The following SMNDC1 variants were observed in gnomAD, a reference collection of about 807,000 sequenced individuals.
The protein encoded by SMNDC1 is survival of motor neuron-related-splicing factor 30.
In SMNDC1, 5 loss-of-function variants were observed where a neutral mutation model predicts 29.2. That is an observed-to-expected ratio of 0.17 (90% CI 0.09 to 0.36). The LOEUF is 0.36. SMNDC1 is among the 10% of genes least tolerant of loss of function. SMNDC1 has a pLI of 1.00. For synonymous variants in SMNDC1, 80 were observed against 89.9 expected, an observed-to-expected ratio of 0.89 and a Z score of 0.62; for missense variants, 142 against 268.5, an observed-to-expected ratio of 0.53 and a Z score of 3.29.
chr10:110,297,740 T>A lies in SMNDC1; in HGVS notation c.264-12A>T. On this transcript the variant is annotated splice_polypyrimidine_tract_variant and intron_variant, in intron 3 of 5. Coordinates refer to ENST00000369603, the MANE Select transcript of SMNDC1 (RefSeq NM_005871.4). ...CCGCTTCATAACACCTGTAAAGATA[T>A]CATGGCTGTAAGCAGGTGAGTAAAG... 1 of 1,612,346 alleles carries A rather than the reference T, an allele frequency of 6.2e-7. No individual in the cohort carries two copies. Among genetic ancestry groups the A allele is most frequent in the Non-Finnish European group, 8.5e-7 (1 of 1,179,004 alleles).
At chr10:110,301,307 A>C (rs1324976192) in intron 2 of SMNDC1, among the ~76,000 whole-genome samples, 1 of 152,358 alleles carries the variant, frequency 6.6e-6, no homozygotes, top group East Asian at 1.9e-4. Flanking sequence ...GTGTAGTCTC[A>C]ATGGAGACAA....
intron 2 of SMNDC1, chr10:110,300,647 G>A (rs1857631981): frequency 4.1e-6 from 4 of 985,238 alleles, no homozygotes; most frequent in Non-Finnish European, 4.8e-6. Context: ...GAAGCATCAG[G>A]TGTTGTGATC....
chr10:110,297,430 G>A, intron 4 of SMNDC1, 137 bp downstream of exon 4: 1 of 742,914 alleles, frequency 1.3e-6, no homozygotes, highest in Non-Finnish European at 2.2e-6. Flanking sequence ...AGACAATGTT[G>A]ACCCTTTGTT....
intron 2 of SMNDC1, among the ~76,000 whole-genome samples, chr10:110,300,998 C>T (rs534382726): frequency 6.6e-6 from 1 of 152,168 alleles, no homozygotes; most frequent in Non-Finnish European, 1.5e-5. Flanking sequence ...GGAAACCTTA[C>T]TGGCAAAATG....
Position 110,298,624 on chromosome 10 carries a change from TAG to T in SMNDC1, c.263+22_263+23del, listed in dbSNP as rs1491585645. 167 of 1,578,944 alleles carry T rather than the reference TAG, an allele frequency of 1.1e-4. 1 individual carries two copies. Among genetic ancestry groups the T allele is most frequent in the South Asian group, 9.4e-4 (82 of 86,896 alleles). Reference sequence around the variant, plus strand: ...GTATTTTATTATTTCATGTTATAGTTAGAGTTTTTTTTTCTACACTTACTGTC... The same window carrying T: ...GTATTTTATTATTTCATGTTATAGTTAGTTTTTTTTTCTACACTTACTGTC... On this transcript the variant is annotated intron_variant, in intron 3 of 5. Coordinates refer to ENST00000369603, the MANE Select transcript of SMNDC1 (RefSeq NM_005871.4).
chr10:110,300,357 C>T (rs1485634966), intron 2 of SMNDC1, among the ~76,000 whole-genome samples: 2 of 152,194 alleles, frequency 1.3e-5, no homozygotes, highest in Non-Finnish European at 2.9e-5. Flanking sequence ...GAGGCCTGTG[C>T]TGAAATGACC....
intron 2 of SMNDC1, chr10:110,300,802 G>T: frequency 1.3e-6 from 1 of 745,870 alleles, no homozygotes; most frequent in Non-Finnish European, 1.6e-6. Flanking sequence ...CAGCAAAACA[G>T]CCTAATAAAT....
chr10:110,302,639 TCA>T (rs1035522779), intron 2 of SMNDC1, among the ~76,000 whole-genome samples: 2 of 152,200 alleles, frequency 1.3e-5, no homozygotes, highest in Non-Finnish European at 2.9e-5. Flanking sequence ...CAATCTCTAA[TCA>T]AAACACCCTT....
rs761131449 is a variant in SMNDC1, at chr10:110,298,718, C to T, written c.193G>A (p.Ala65Thr). 1.6e-5 allele frequency: 26 copies of T among 1,613,494 alleles called. No individual in the cohort carries two copies. The highest frequency in any genetic ancestry group is 2.1e-5 in the Non-Finnish European group (25 of 1,179,686). ...SETLASSDSF[A>T]STQPTHSWKV... ...CATGAATGAGTAGGTTGAGTAGAAG[C>T]AAAACTGTCTGAACTTGCAAGCGTC... The change falls in exon 3 of 6, where the codon GCT (alanine) becomes ACT (threonine). Residue 65 changes from alanine (A) to threonine (T), a missense_variant. Coordinates refer to ENST00000369603, the MANE Select transcript of SMNDC1 (RefSeq NM_005871.4).
chr10:110,303,691 T>C, intron 1 of SMNDC1, 104 bp from the exon 2 acceptor site: 1 of 1,083,270 alleles, frequency 9.2e-7, no homozygotes, highest in Non-Finnish European at 1.3e-6. Flanking sequence ...TGCCTCTAAC[T>C]CCTTCTAACA....
At chr10:110,296,750 T>C (rs937950246) in intron 4 of SMNDC1, among the ~76,000 whole-genome samples, 1 of 152,160 alleles carries the variant, frequency 6.6e-6, no homozygotes, top group Non-Finnish European at 1.5e-5. Flanking sequence ...TACAAGCTCT[T>C]TATGTTCTGG....
At chr10:110,303,424 A>G in intron 2 of SMNDC1, 44 bp downstream of exon 2, 3 of 1,529,200 alleles carry the variant, frequency 2.0e-6, no homozygotes, top group Non-Finnish European at 2.6e-6. Context: ...TCAAGCAATA[A>G]TTTGAAAAAC....
At position 110,291,513 on chromosome 10, in the gene SMNDC1, A is replaced by G. The variant is rs1210215333; in HGVS notation, c.*2637T>C. On this transcript the variant is annotated 3_prime_UTR_variant, in exon 6 of 6. Transcript: ENST00000369603. Reference sequence around the variant, plus strand: ...ATTCAAGTTAAGGAAAAAATATCAGATAATTCACCACTGCCACTCTGCAGA... The same window carrying G: ...ATTCAAGTTAAGGAAAAAATATCAGGTAATTCACCACTGCCACTCTGCAGA... 1.3e-5 allele frequency: 2 copies of G among 152,218 alleles called. No homozygotes were observed. The highest frequency in any genetic ancestry group is 4.8e-5 in the African/African-American group (2 of 41,460). 9.4% of individuals were successfully genotyped at this position (152,218 alleles called of 1,614,324 possible). A position where few individuals can be genotyped will look rare whatever the true frequency, so the allele number is the denominator to read the frequency against.
chr10:110,298,876 G>A (rs917867469), intron 2 of SMNDC1, 86 bp from the exon 3 acceptor site: 8 of 946,868 alleles, frequency 8.4e-6, no homozygotes, highest in South Asian at 4.7e-5. Context: ...CATACTGTAC[G>A]TTAAGTACTC....
At position 110,294,198 on chromosome 10, in the gene SMNDC1, T is replaced by C. The variant is rs1217015778; in HGVS notation, c.669A>G (p.Gln223=). The C allele has an allele frequency of 7.5e-6, 12 of 1,604,230 alleles. No homozygotes were observed. The highest frequency in any genetic ancestry group is 1.3e-5 in the African/African-American group (1 of 74,074). ...CATTGTATTTAGAGGTATCTTGATA[T>C]TGTGTCATAGGTTTATCAGCAATTC... ...TCGIADKPMT[Q]YQDTSKYNVR... The change falls in exon 6 of 6, where the codon CAA becomes CAG. Residue 223 remains glutamine, a synonymous_variant. Coordinates refer to ENST00000369603, the MANE Select transcript of SMNDC1 (RefSeq NM_005871.4).
At position 110,290,885 on chromosome 10, in the gene SMNDC1, A is replaced by T. The variant is rs1160165654; in HGVS notation, c.*3265T>A. 6.6e-6 allele frequency: 1 copy of T among 152,242 alleles called. No homozygotes were observed. The highest frequency in any genetic ancestry group is 1.5e-5 in the Non-Finnish European group (1 of 68,040). The allele number at this position is 152,242 out of a possible 1,614,324, so 9.4% of individuals were successfully genotyped here. ...TTTTTATCTTATAAAAATTGTAATT[A>T]TAAAATTACAATCTACAGACACATG... On this transcript the variant is annotated 3_prime_UTR_variant, in exon 6 of 6. Transcript: ENST00000369603.
At chr10:110,304,034 T>C (rs1425994564) in intron 1 of SMNDC1, 2 of 155,392 alleles carry the variant, frequency 1.3e-5, no homozygotes, top group Non-Finnish European at 2.9e-5. Flanking sequence ...CTACACAAAC[T>C]ACGATCTTTA....
rs1465434099 is a variant in SMNDC1, at chr10:110,291,026, GACA to G, written c.*3121_*3123del. 6.6e-6 allele frequency: 1 copy of G among 152,158 alleles called. No homozygotes were observed. Among genetic ancestry groups the G allele is most frequent in the Non-Finnish European group, 1.5e-5 (1 of 68,020 alleles). The allele number at this position is 152,158 out of a possible 1,614,324, so 9.4% of individuals were successfully genotyped here. On this transcript the variant is annotated 3_prime_UTR_variant, in exon 6 of 6. Coordinates refer to ENST00000369603, the MANE Select transcript of SMNDC1 (RefSeq NM_005871.4). The stretch of plus-strand genomic sequence containing the variant: ...GAAACAGACACACACCCTTCATTGT[GACA>G]ACAAGCAATTTTTTAAAAAAAATGT...
In SMNDC1 at chr10:110,298,846, T is replaced by C. The variant is rs971859721; in HGVS notation, c.121-56A>G. The C allele has an allele frequency of 3.6e-6, 5 of 1,380,864 alleles. No individual in the cohort carries two copies. In the Admixed American group the frequency reaches 5.8e-5, roughly 16 times the overall value. The allele number at this position is 1,380,864 out of a possible 1,614,324, so 85.5% of individuals were successfully genotyped here. On this transcript the variant is annotated intron_variant, in intron 2 of 5. Transcript: ENST00000369603. ...ATTTTTATAATTCTCATTGTCAACT[T>C]AGTTTCTGATGACAGCCTTCATACT...
Sources: gnomAD v4.1 joint callset for allele counts (sites outside exome capture counted in the v4.1 genomes callset) on GRCh38, gnomAD v4.1.1 for gene constraint, MANE v1.5 for transcripts, NCBI Gene and HGNC (gene_info 2026-07-23, HGNC 2026-07-21) for gene names.